Variants in SYNJ2BP observed in about 807,000 individuals in gnomAD.
SYNJ2BP encodes synaptojanin-2-binding protein.
Under a neutral mutation model 16.9 loss-of-function variants are expected in SYNJ2BP, and 10 were observed. The ratio of observed to expected loss-of-function variants is 0.59; its 90% CI spans 0.36 to 1.00. The LOEUF (loss-of-function observed/expected upper bound fraction) is 1.00. Among genes scored for constraint, SYNJ2BP ranks in the 50% least tolerant of loss-of-function variants. SYNJ2BP has a pLI of 0.01. For missense variants in SYNJ2BP, 162 were observed against 186.7 expected, an observed-to-expected ratio of 0.87 and a Z score of 0.77; for synonymous variants, 54 against 68.4, an observed-to-expected ratio of 0.79 and a Z score of 1.04.
chr14:70,390,348 T>C (rs1318171619), intron 1 of SYNJ2BP, among the ~76,000 whole-genome samples: 2 of 152,172 alleles, frequency 1.3e-5, no homozygotes, highest in Non-Finnish European at 2.9e-5. Context: ...GCCTACACTG[T>C]TCTCAATAGA....
chr14:70,381,109 C>T (rs2140820958), intron 2 of SYNJ2BP, among the ~76,000 whole-genome samples: 1 of 152,320 alleles, frequency 6.6e-6, no homozygotes, highest in East Asian at 1.9e-4. Context: ...CTCAGTACTA[C>T]ATAAAGCTGC....
chr14:70,412,631 A>ATATATACAATAT (rs1235982664), intron 1 of SYNJ2BP, among the ~76,000 whole-genome samples: 1 of 149,320 alleles, frequency 6.7e-6, no homozygotes, highest in Non-Finnish European at 1.5e-5. Flanking sequence ...TATATATAGT[A>ATATATACAATAT]ACTAGCACAC....
At position 70,405,284 on chromosome 14, in the gene SYNJ2BP, T is replaced by A. The variant is rs35504645; in HGVS notation, c.64+11616A>T. On this transcript the variant is annotated intron_variant, in intron 1 of 3. Coordinates refer to ENST00000256366, the MANE Select transcript of SYNJ2BP (RefSeq NM_018373.3). ...GGAAAAAAATAAATGAATGAATGAA[T>A]GATAATGGGGAAATAAATGTATAAT... Among the ~76,000 whole-genome samples the A allele has an allele frequency of 6.5e-3, 996 of 152,150 alleles. 16 individuals carry two copies. The highest frequency in any genetic ancestry group is 0.012 in the Non-Finnish European group (808 of 67,976).
At chr14:70,374,559 G>A (rs1280762338) in intron 3 of SYNJ2BP, among the ~76,000 whole-genome samples, 2 of 152,166 alleles carry the variant, frequency 1.3e-5, no homozygotes, top group African/African-American at 2.4e-5. Context: ...ATCTACCCAG[G>A]CTTCCCTTTA....
At chr14:70,373,956 G>C (rs1161582585) in intron 3 of SYNJ2BP, among the ~76,000 whole-genome samples, 1 of 152,136 alleles carries the variant, frequency 6.6e-6, no homozygotes, top group Non-Finnish European at 1.5e-5. Flanking sequence ...CAATCTGAAA[G>C]GCAAGACTGC....
At chr14:70,384,603 T>A (rs1299695067) in intron 2 of SYNJ2BP, among the ~76,000 whole-genome samples, 1 of 152,062 alleles carries the variant, frequency 6.6e-6, no homozygotes, top group Non-Finnish European at 1.5e-5. Context: ...AAGGACCTGG[T>A]GGGAGGTGAC....
At chr14:70,404,815 G>A (rs1275570807) in intron 1 of SYNJ2BP, among the ~76,000 whole-genome samples, 1 of 152,152 alleles carries the variant, frequency 6.6e-6, no homozygotes, top group African/African-American at 2.4e-5. Context: ...ACAAAATAAG[G>A]AGGAAAGAAA....
intron 1 of SYNJ2BP, among the ~76,000 whole-genome samples, chr14:70,395,755 A>G (rs1888076132): frequency 6.6e-6 from 1 of 152,224 alleles, no homozygotes; most frequent in Non-Finnish European, 1.5e-5. Context: ...TTATTCAAAT[A>G]AAAACTCTAT....
chr14:70,375,243 C>T (rs1157287043), intron 3 of SYNJ2BP, among the ~76,000 whole-genome samples: 1 of 149,620 alleles, frequency 6.7e-6, no homozygotes, highest in East Asian at 2.0e-4. Context: ...ACTCTCTTGC[C>T]CAGGCTGGAG....
intron 1 of SYNJ2BP, among the ~76,000 whole-genome samples, chr14:70,402,676 A>G (rs541121769): frequency 5.9e-5 from 9 of 152,098 alleles, no homozygotes; most frequent in African/African-American, 2.2e-4. Flanking sequence ...TAAAAAAAAA[A>G]AAAGAAAGAA....
At chr14:70,410,734 G>A (rs1326291105) in intron 1 of SYNJ2BP, among the ~76,000 whole-genome samples, 1 of 152,148 alleles carries the variant, frequency 6.6e-6, no homozygotes, top group Non-Finnish European at 1.5e-5. Context: ...TGCAGCTGGA[G>A]GCCATTATCC....
intron 1 of SYNJ2BP, among the ~76,000 whole-genome samples, chr14:70,400,973 G>T (rs77585382): frequency 6.6e-6 from 1 of 152,124 alleles, no homozygotes; most frequent in Non-Finnish European, 1.5e-5. Flanking sequence ...TGAAAAGTCC[G>T]TAAATTATGA....
chr14:70,375,936 T>C (rs1415569140), intron 2 of SYNJ2BP, among the ~76,000 whole-genome samples, 165 bp from the exon 3 acceptor site: 1 of 152,234 alleles, frequency 6.6e-6, no homozygotes. Flanking sequence ...ACTTTTTTCA[T>C]TTTCAAAACT....
chr14:70,372,789 T>C lies in SYNJ2BP; in HGVS notation c.*202A>G. 1 of 711,018 alleles carries C rather than the reference T, an allele frequency of 1.4e-6. No individual in the cohort carries two copies. Among genetic ancestry groups the C allele is most frequent in the Non-Finnish European group, 2.2e-6 (1 of 455,182 alleles). 44.0% of individuals were successfully genotyped at this position (711,018 alleles called of 1,614,324 possible). On this transcript the variant is annotated 3_prime_UTR_variant, in exon 4 of 4. Transcript: ENST00000256366. ...CCTCATTTGTTCTAAGCCAAGTCTT[T>C]TCTTCAGTTTTCCTTCAAACAATAC...
rs1309130992 is a variant in SYNJ2BP at position 70,375,734 on chromosome 14, T to C, written c.239A>G (p.Asp80Gly). 6.2e-7 allele frequency: 1 copy of C among 1,614,010 alleles called. No individual in the cohort carries two copies. The highest frequency in any genetic ancestry group is 2.2e-5 in the East Asian group (1 of 44,886). The change falls in exon 3 of 4, where the codon GAT (aspartate) becomes GGT (glycine). Residue 80 changes from aspartate (D) to glycine (G), a missense_variant. Asp to Gly is a moderately conservative substitution (Grantham distance 94). Transcript: ENST00000256366. ...GQDLKNLLHQ[D>G]AVDLFRNAGY... is the part of the protein sequence containing the mutation. ...TGCATTACGAAAGAGGTCTACAGCA[T>C]CCTGGTGCAGCAGGTTCTTTAGGTC...
At chr14:70,387,162 T>C (rs1049952889) in intron 2 of SYNJ2BP, among the ~76,000 whole-genome samples, 1 of 152,172 alleles carries the variant, frequency 6.6e-6, no homozygotes, top group African/African-American at 2.4e-5. Context: ...CCCTCAGCAT[T>C]TTTCCATTCT....
intron 1 of SYNJ2BP, among the ~76,000 whole-genome samples, chr14:70,408,295 T>C (rs1384467519): frequency 6.6e-6 from 1 of 152,192 alleles, no homozygotes; most frequent in Non-Finnish European, 1.5e-5. Context: ...GCAGTATCCT[T>C]AAAGCACTTC....
chr14:70,392,085 G>A (rs887747334), intron 1 of SYNJ2BP, among the ~76,000 whole-genome samples: 3 of 152,236 alleles, frequency 2.0e-5, no homozygotes, highest in Non-Finnish European at 4.4e-5. Flanking sequence ...TGTGTAAGAT[G>A]TTGTGTTATC....
intron 1 of SYNJ2BP, among the ~76,000 whole-genome samples, chr14:70,405,277 G>C (rs953667360): frequency 2.6e-5 from 4 of 152,018 alleles, no homozygotes; most frequent in African/African-American, 9.7e-5. Context: ...ATAAATGAAT[G>C]AATGAATGAT....
Sources: allele counts gnomAD v4.1 joint callset (sites outside exome capture counted in the v4.1 genomes callset), GRCh38; gene constraint gnomAD v4.1.1; transcripts MANE v1.5; gene names NCBI Gene and HGNC (gene_info 2026-07-23, HGNC 2026-07-21).